The following ABCA12 variants were observed in gnomAD, a reference collection of about 807,000 sequenced individuals.
The protein encoded by ABCA12 is glucosylceramide transporter ABCA12.
A neutral mutation model predicts 293.5 loss-of-function variants in ABCA12; 156 were observed. That is an observed-to-expected ratio of 0.53 (90% CI 0.47 to 0.61). The LOEUF (loss-of-function observed/expected upper bound fraction) is 0.61, where lower values mean the gene tolerates loss of function less well. ABCA12 is among the 20% of genes least tolerant of loss of function. The pLI, the probability that ABCA12 is intolerant of heterozygous loss-of-function variation, is 0.00. For synonymous variants in ABCA12, 1,063 were observed against 1,108.0 expected, an observed-to-expected ratio of 0.96 and a Z score of 0.81; for missense variants, 2,797 against 3,090.2, an observed-to-expected ratio of 0.91 and a Z score of 2.25.
intron 19 of ABCA12, among the ~76,000 whole-genome samples, chr2:215,006,399 T>C (rs1169137646): frequency 2.0e-5 from 3 of 152,138 alleles, no homozygotes; most frequent in African/African-American, 7.2e-5. Context: ...CAAAAATTAA[T>C]AGGAAATTGT....
intron 2 of ABCA12, among the ~76,000 whole-genome samples, chr2:215,074,356 A>T (rs998465196): frequency 1.3e-5 from 2 of 152,240 alleles, no homozygotes; most frequent in African/African-American, 4.8e-5. Context: ...TTTGTGCATT[A>T]CTATTTGTGG....
At chr2:215,116,355 C>T (rs1702686142) in intron 1 of ABCA12, among the ~76,000 whole-genome samples, 5 of 151,882 alleles carry the variant, frequency 3.3e-5, no homozygotes, top group Admixed American at 3.3e-4. Flanking sequence ...CTCGACATAG[C>T]TAAAGATGAT....
At chr2:214,976,226 A>C (rs1010937517) in intron 33 of ABCA12, among the ~76,000 whole-genome samples, 189 bp from the exon 34 acceptor site, 25 of 152,246 alleles carry the variant, frequency 1.6e-4, no homozygotes, top group African/African-American at 4.6e-4. Context: ...ACTGAGAACT[A>C]TAATATCCAT....
Position 214,982,402 on chromosome 2 carries a change from A to G in ABCA12, c.4383-19T>C. 1 of 1,598,406 alleles carries G rather than the reference A, an allele frequency of 6.3e-7. No individual in the cohort carries two copies. The highest frequency in any genetic ancestry group is 8.6e-7 in the Non-Finnish European group (1 of 1,166,496). On this transcript the variant is annotated intron_variant, in intron 29 of 52. Coordinates refer to ENST00000272895, the MANE Select transcript of ABCA12 (RefSeq NM_173076.3). ...TAAAGTCCTTCAAAAATAATGTATGATGGTTATTTTTTTACAGATATACTA... is the reference window on the plus strand; with the variant it reads ...TAAAGTCCTTCAAAAATAATGTATGGTGGTTATTTTTTTACAGATATACTA...
chr2:215,096,901 C>T (rs1340160734), intron 2 of ABCA12, among the ~76,000 whole-genome samples: 1 of 152,068 alleles, frequency 6.6e-6, no homozygotes, highest in Non-Finnish European at 1.5e-5. Flanking sequence ...TAGATTCAAA[C>T]TCATTTCCCA....
At chr2:214,943,919 TCTA>T (rs1474012145) in intron 49 of ABCA12, among the ~76,000 whole-genome samples, 2 of 152,230 alleles carry the variant, frequency 1.3e-5, no homozygotes, top group Admixed American at 1.3e-4. Flanking sequence ...TAATACTTTT[TCTA>T]CTATATGACA....
intron 44 of ABCA12, among the ~76,000 whole-genome samples, chr2:214,951,653 A>G (rs1489291531): frequency 1.3e-5 from 2 of 152,202 alleles, no homozygotes; most frequent in Non-Finnish European, 2.9e-5. Context: ...GCTACTCAGA[A>G]GGCTGAGGCA....
chr2:215,122,798 T>A (rs994326325), intron 1 of ABCA12, among the ~76,000 whole-genome samples: 49 of 152,202 alleles, frequency 3.2e-4, no homozygotes, highest in Non-Finnish European at 1.5e-4. Context: ...TCTTCTTTTT[T>A]AAAAATTTGC....
intron 2 of ABCA12, among the ~76,000 whole-genome samples, chr2:215,084,353 C>T (rs113170469): frequency 6.6e-6 from 1 of 151,274 alleles, no homozygotes; most frequent in Non-Finnish European, 1.5e-5. Flanking sequence ...CACCCCCCCA[C>T]CAAAAAAGTG....
intron 8 of ABCA12, among the ~76,000 whole-genome samples, chr2:215,033,240 T>A (rs1700917348): frequency 6.6e-6 from 1 of 152,232 alleles, no homozygotes; most frequent in Non-Finnish European, 1.5e-5. Context: ...TATTATGTAT[T>A]GGCATCTATA....
At chr2:215,056,136 A>G (rs920479895) in intron 3 of ABCA12, among the ~76,000 whole-genome samples, 1 of 152,068 alleles carries the variant, frequency 6.6e-6, no homozygotes, top group African/African-American at 2.4e-5. Context: ...TGAGCAATGG[A>G]AAGAGCAAGA....
rs1257400528 is a variant in ABCA12, at chr2:214,958,900, C to G, written c.5939+124G>C. 3 of 1,071,740 alleles carry G rather than the reference C, an allele frequency of 2.8e-6. No homozygotes were observed. In the African/African-American group the frequency reaches 4.7e-5, roughly 17 times the overall value. 66.4% of individuals were successfully genotyped at this position (1,071,740 alleles called of 1,614,324 possible). A position where few individuals can be genotyped will look rare whatever the true frequency, so the allele number is the denominator to read the frequency against. ...AACTTCCTTTGATCCCAGTCAGTGACATATTACCAGCCCTTCTAGATTGAC... is the reference window on the plus strand; with the variant it reads ...AACTTCCTTTGATCCCAGTCAGTGAGATATTACCAGCCCTTCTAGATTGAC... On this transcript the variant is annotated intron_variant, in intron 40 of 52. Coordinates refer to ENST00000272895, the MANE Select transcript of ABCA12 (RefSeq NM_173076.3).
intron 1 of ABCA12, among the ~76,000 whole-genome samples, chr2:215,126,426 T>G (rs191532121): frequency 5.9e-5 from 9 of 152,286 alleles, no homozygotes; most frequent in African/African-American, 1.2e-4. Context: ...ATCTGTCTGG[T>G]CCTGGACTTT....
chr2:214,986,549 T>C lies in ABCA12; in HGVS notation c.4156A>G (p.Thr1386Ala). 8.7e-6 allele frequency: 14 copies of C among 1,614,062 alleles called. No homozygotes were observed. Among genetic ancestry groups the C allele is most frequent in the Non-Finnish European group, 1.1e-5 (13 of 1,179,930 alleles). ...LLGPNGAGKT[T>A]TISMLTGLFG... ...GTCAAAAAGTTAACATACATGGTAG[T>C]AGTTTTCCCAGCTCCATTGGGCCCC... Residue 1386 changes from threonine (T) to alanine (A), a missense_variant, in exon 28 of 53, where the codon ACT becomes GCT. Coordinates refer to ENST00000272895, the MANE Select transcript of ABCA12 (RefSeq NM_173076.3).
intron 2 of ABCA12, among the ~76,000 whole-genome samples, chr2:215,110,775 T>G (rs930554943): frequency 2.6e-5 from 4 of 152,228 alleles, no homozygotes; most frequent in African/African-American, 7.2e-5. Flanking sequence ...TTCTTTTACA[T>G]AGCAAATTAC....
chr2:214,970,681 C>T (rs1699367770), intron 36 of ABCA12, among the ~76,000 whole-genome samples: 1 of 152,066 alleles, frequency 6.6e-6, no homozygotes, highest in Admixed American at 6.6e-5. Flanking sequence ...ATATTTCCTT[C>T]ACTGTGCTGA....
chr2:214,949,377 TACAC>T (rs368602071), intron 45 of ABCA12, among the ~76,000 whole-genome samples: 44 of 143,128 alleles, frequency 3.1e-4, no homozygotes, highest in South Asian at 2.0e-3. Flanking sequence ...TATATATATA[TACAC>T]ACACACACAC....
chr2:214,950,874 C>G lies in ABCA12; in HGVS notation c.6852+5G>C. On this transcript the variant is annotated splice_donor_5th_base_variant and intron_variant, in intron 45 of 52. Transcript: ENST00000272895. ...GACAGTTAGAAACAAAACACAGTTT[C>G]TTACCTCTCCAGCAGGTATCCCAAT... 1 of 1,613,534 alleles carries G rather than the reference C, an allele frequency of 6.2e-7. No homozygotes were observed. Among genetic ancestry groups the G allele is most frequent in the Non-Finnish European group, 8.5e-7 (1 of 1,179,486 alleles).
chr2:214,949,651 A>G (rs1698692160), intron 45 of ABCA12, among the ~76,000 whole-genome samples: 1 of 152,172 alleles, frequency 6.6e-6, no homozygotes, highest in Non-Finnish European at 1.5e-5. Flanking sequence ...TCTCTTTTCA[A>G]TGCTGCCTTA....
Sources: gnomAD v4.1 joint callset for allele counts (sites outside exome capture counted in the v4.1 genomes callset) on GRCh38, gnomAD v4.1.1 for gene constraint, MANE v1.5 for transcripts, NCBI Gene and HGNC (gene_info 2026-07-23, HGNC 2026-07-21) for gene names.